Variants in MBD5 observed in about 807,000 individuals in gnomAD.
The protein encoded by MBD5 is methyl-CpG-binding domain protein 5.
In MBD5, 13 loss-of-function variants were observed where a neutral mutation model predicts 117.3. The ratio of observed to expected loss-of-function variants is 0.11; its 90% confidence interval spans 0.07 to 0.18. The LOEUF is 0.18. Ranked by LOEUF, MBD5 falls within the 10% of genes least tolerant of loss-of-function variation. The probability of loss-of-function intolerance (pLI) is 1.00; values close to 1 mark genes in which losing one functional copy is unlikely to be tolerated. For synonymous variants in MBD5, 727 were observed against 766.4 expected (o/e 0.95, Z 0.85); for missense variants, 1,879 against 2,093.8 (o/e 0.90, Z 2.00).
intron 9 of MBD5, chr2:148,485,495 G>T (rs567305859): frequency 4.1e-6 from 2 of 483,448 alleles, no homozygotes; most frequent in Non-Finnish European, 7.4e-6. Flanking sequence ...ACTGCCTAAT[G>T]AATAGAGCAA....
At chr2:148,083,945 C>A (rs927524060) in intron 1 of MBD5, among the ~76,000 whole-genome samples, 2 of 152,084 alleles carry the variant, frequency 1.3e-5, no homozygotes, top group Admixed American at 6.6e-5. Context: ...TATTTTTATT[C>A]TTTGTTTACA....
At chr2:148,389,299 T>A (rs1296281431) in intron 4 of MBD5, among the ~76,000 whole-genome samples, 3 of 105,610 alleles carry the variant, frequency 2.8e-5, no homozygotes, top group East Asian at 6.3e-4. Context: ...TATATATATA[T>A]ATATAACATT....
At chr2:148,456,030 G>A (rs372098740) in intron 4 of MBD5, among the ~76,000 whole-genome samples, 12 of 152,066 alleles carry the variant, frequency 7.9e-5, no homozygotes, top group African/African-American at 2.2e-4. Flanking sequence ...GGATTGACCC[G>A]TCCTAACTTC....
At chr2:148,488,598 A>T (rs182290724) in intron 10 of MBD5, among the ~76,000 whole-genome samples, 1 of 142,412 alleles carries the variant, frequency 7.0e-6, no homozygotes, top group East Asian at 2.1e-4. Flanking sequence ...TGTGGAAAAA[A>T]ATCTGAAAGT....
intron 7 of MBD5, among the ~76,000 whole-genome samples, chr2:148,465,515 T>C (rs1252320431): frequency 4.6e-5 from 7 of 152,096 alleles, no homozygotes; most frequent in African/African-American, 1.7e-4. Context: ...CTCTGAAAAA[T>C]AGGGATGATG....
chr2:148,060,810 A>C (rs1192564635), intron 1 of MBD5, among the ~76,000 whole-genome samples: 1 of 152,118 alleles, frequency 6.6e-6, no homozygotes, highest in African/African-American at 2.4e-5. Context: ...CTTCACAGAG[A>C]TATTTCAGAA....
At chr2:148,327,297 A>T (rs1702481379) in intron 3 of MBD5, among the ~76,000 whole-genome samples, 2 of 151,986 alleles carry the variant, frequency 1.3e-5, no homozygotes, top group Admixed American at 1.3e-4. Flanking sequence ...ACTTTGATGA[A>T]TCTGACAATT....
chr2:148,479,968 A>G (rs182036589), intron 8 of MBD5, among the ~76,000 whole-genome samples: 1 of 152,158 alleles, frequency 6.6e-6, no homozygotes, highest in East Asian at 1.9e-4. Flanking sequence ...TATATATTTG[A>G]GAGAAGAAAA....
At chr2:148,144,935 T>G (rs1293503402) in intron 1 of MBD5, among the ~76,000 whole-genome samples, 2 of 152,216 alleles carry the variant, frequency 1.3e-5, no homozygotes, top group Non-Finnish European at 2.9e-5. Context: ...ATGCGGGCTC[T>G]TTTTTGGTTC....
intron 3 of MBD5, among the ~76,000 whole-genome samples, chr2:148,304,784 C>T (rs988291487): frequency 1.3e-5 from 2 of 152,106 alleles, no homozygotes; most frequent in Admixed American, 1.3e-4. Context: ...AAAGGCACGC[C>T]GGGCGCGGTG....
chr2:148,399,459 C>G (rs57396192), intron 4 of MBD5, among the ~76,000 whole-genome samples: 3,867 of 151,962 alleles, frequency 0.025, 156 homozygotes, highest in African/African-American at 0.082. Context: ...CTGTTTGTCT[C>G]TTATTGGTGT....
chr2:148,446,859 A>T (rs140389596), intron 4 of MBD5, among the ~76,000 whole-genome samples: 1 of 152,034 alleles, frequency 6.6e-6, no homozygotes, highest in African/African-American at 2.4e-5. Context: ...AGGTTATAAG[A>T]TCTCAAGTAT....
At chr2:148,386,644 G>A (rs991584631) in intron 4 of MBD5, among the ~76,000 whole-genome samples, 12 of 149,062 alleles carry the variant, frequency 8.1e-5, no homozygotes, top group Non-Finnish European at 1.8e-4. Context: ...GCGTGAACCC[G>A]GGAGGCGGAG....
intron 2 of MBD5, among the ~76,000 whole-genome samples, chr2:148,224,305 T>C (rs1327070402): frequency 1.3e-5 from 2 of 152,050 alleles, no homozygotes; most frequent in Non-Finnish European, 2.9e-5. Context: ...CTCTGTCTGA[T>C]ACTGAAAGTA....
rs558525883 is a variant in MBD5 at position 148,238,396 on chromosome 2, A to G, written c.-680+5001A>G. Among the ~76,000 whole-genome samples, 6 of 152,328 alleles carry G rather than the reference A, an allele frequency of 3.9e-5. No individual in the cohort carries two copies. The South Asian group carries it at 1.2e-3, about 32-fold the overall frequency. On this transcript the variant is annotated intron_variant, in intron 3 of 13. Coordinates refer to ENST00000642680, the MANE Select transcript of MBD5 (RefSeq NM_001378120.1). ...ATTTTAACTGAAGTCAACCACTATT[A>G]TTTAGAGAAATATTCCATTTATAGG...
At chr2:148,315,370 C>T (rs1702135568) in intron 3 of MBD5, among the ~76,000 whole-genome samples, 1 of 152,164 alleles carries the variant, frequency 6.6e-6, no homozygotes, top group Non-Finnish European at 1.5e-5. Context: ...TAAAAATTCA[C>T]ACATTTTACA....
At chr2:148,379,590 A>C in intron 4 of MBD5, among the ~76,000 whole-genome samples, 1 of 152,130 alleles carries the variant, frequency 6.6e-6, no homozygotes, top group East Asian at 1.9e-4. Flanking sequence ...CTGAGTGAAA[A>C]AATTGGCAAA....
intron 1 of MBD5, among the ~76,000 whole-genome samples, chr2:148,174,415 C>T (rs952112174): frequency 6.6e-6 from 1 of 151,656 alleles, no homozygotes; most frequent in Non-Finnish European, 1.5e-5. Flanking sequence ...TGGATTTGAC[C>T]GCAAAAGTGC....
intron 3 of MBD5, among the ~76,000 whole-genome samples, chr2:148,250,964 G>A (rs1437386253): frequency 6.6e-6 from 1 of 152,022 alleles, no homozygotes; most frequent in African/African-American, 2.4e-5. Context: ...TTGCTATCTG[G>A]AAAATAAATT....
Sources: gnomAD v4.1 joint callset for allele counts (sites outside exome capture counted in the v4.1 genomes callset) on GRCh38, gnomAD v4.1.1 for gene constraint, MANE v1.5 for transcripts, NCBI Gene and HGNC (gene_info 2026-07-23, HGNC 2026-07-21) for gene names.